PTBP3: variants seen among roughly 807,000 people sequenced by gnomAD.
The protein encoded by PTBP3 is polypyrimidine tract-binding protein 3.
In PTBP3, 20 loss-of-function variants were observed where a neutral mutation model predicts 58.7. The observed-to-expected ratio is 0.34, with a 90% CI of 0.24 to 0.50. PTBP3 has a LOEUF of 0.50. Among genes scored for constraint, PTBP3 ranks in the 20% least tolerant of loss-of-function variants. The pLI is 0.98. For synonymous variants in PTBP3, 185 were observed against 219.8 expected (o/e 0.84, Z 1.40); for missense variants, 509 against 637.2 (o/e 0.80, Z 2.17).
intron 2 of PTBP3, among the ~76,000 whole-genome samples, chr9:112,281,951 G>A (rs1471035894): frequency 6.6e-6 from 1 of 152,128 alleles, no homozygotes; most frequent in Non-Finnish European, 1.5e-5. Context: ...TTCTGGTGAG[G>A]GGTCTTCCTG....
At chr9:112,311,838 C>T (rs1829492823) in intron 1 of PTBP3, among the ~76,000 whole-genome samples, 1 of 152,108 alleles carries the variant, frequency 6.6e-6, no homozygotes, top group South Asian at 2.1e-4. Context: ...GTCCCAGCTA[C>T]ATGGGAGGCT....
In PTBP3 at chr9:112,222,068, T is replaced by TACAGGCGC. The variant is rs1027935862; in HGVS notation, c.*1775_*1782dup. 1 of 976,398 alleles carries TACAGGCGC rather than the reference T, an allele frequency of 1.0e-6. No individual in the cohort carries two copies. The highest frequency in any genetic ancestry group is 1.8e-5 in the African/African-American group (1 of 57,016). The allele number at this position is 976,398 out of a possible 1,614,324, so 60.5% of individuals were successfully genotyped here. A position where few individuals can be genotyped will look rare whatever the true frequency, so the allele number is the denominator to read the frequency against. ...TACAGGCTCAGCCTGTAGCTGGGAC[T>TACAGGCGC]ACAGGCGCACAGGCGCACACCACCA... On this transcript the variant is annotated 3_prime_UTR_variant, in exon 14 of 14. Transcript: ENST00000374257.
At chr9:112,267,517 C>T (rs929995621) in intron 4 of PTBP3, among the ~76,000 whole-genome samples, 1 of 152,168 alleles carries the variant, frequency 6.6e-6, no homozygotes, top group African/African-American at 2.4e-5. Flanking sequence ...AATTATTATA[C>T]TATTTTTAAC....
intron 1 of PTBP3, among the ~76,000 whole-genome samples, chr9:112,329,992 C>T (rs1378161698): frequency 1.3e-5 from 2 of 151,834 alleles, no homozygotes; most frequent in East Asian, 1.9e-4. Flanking sequence ...ACTACAGGCA[C>T]GCACCACCAT....
Position 112,290,707 on chromosome 9 carries a change from T to TACACACACAAACAC in PTBP3, c.34+7124_34+7125insGTGTTTGTGTGTGT, listed in dbSNP as rs55862558. Among the ~76,000 whole-genome samples the TACACACACAAACAC allele has an allele frequency of 6.6e-4, 73 of 110,922 alleles. 1 individual carries two copies. Among genetic ancestry groups the TACACACACAAACAC allele is most frequent in the South Asian group, 4.5e-3 (15 of 3,306 alleles). 72.8% of individuals were successfully genotyped at this position (110,922 alleles called of 152,430 possible). The stretch of plus-strand genomic sequence containing the variant: ...AAAAAAATATATATATATATATATA[T>TACACACACAAACAC]ACACACACACACACACACACACACA... On this transcript the variant is annotated intron_variant, in intron 2 of 13. Transcript: ENST00000374257.
intron 1 of PTBP3, among the ~76,000 whole-genome samples, chr9:112,310,663 T>G (rs2132384949): frequency 6.6e-6 from 1 of 152,260 alleles, no homozygotes; most frequent in South Asian, 2.1e-4. Flanking sequence ...GTAAGTAAAT[T>G]ATGTATTATG....
the PTBP3 span, among the ~76,000 whole-genome samples, chr9:112,375,381 G>A: frequency 6.6e-6 from 1 of 152,230 alleles, no homozygotes; most frequent in Non-Finnish European, 1.5e-5. Flanking sequence ...CAGGTGCACT[G>A]CTGGAAGTTC....
chr9:112,290,653 C>T lies in PTBP3; in HGVS notation c.34+7179G>A, dbSNP rs145642150. The stretch of plus-strand genomic sequence containing the variant: ...CGCCACTGCATTCCAGCCTGGGTGA[C>T]AAAGTCAGACTCTGTCTTTAAAAAA... On this transcript the variant is annotated intron_variant, in intron 2 of 13. Coordinates refer to ENST00000374257, the MANE Select transcript of PTBP3 (RefSeq NM_001163788.4). 3.9e-3 allele frequency among the ~76,000 whole-genome samples: 515 copies of T among 132,784 alleles called. 7 individuals are homozygous for T. The highest frequency in any genetic ancestry group is 0.014 in the African/African-American group (492 of 34,148). The allele number at this position is 132,784 out of a possible 152,430, so 87.1% of individuals were successfully genotyped here. A position where few individuals can be genotyped will look rare whatever the true frequency, so the allele number is the denominator to read the frequency against.
chr9:112,378,686 C>T, the PTBP3 span, among the ~76,000 whole-genome samples: 1 of 152,348 alleles, frequency 6.6e-6, no homozygotes, highest in Non-Finnish European at 1.5e-5. Flanking sequence ...AAAGAACACA[C>T]TGGCTACTCA....
At chr9:112,232,387 C>T in intron 8 of PTBP3, 149 bp from the exon 9 acceptor site, 3 of 760,516 alleles carry the variant, frequency 3.9e-6, no homozygotes, top group Non-Finnish European at 6.2e-6. Context: ...AGTTTTCTGC[C>T]CTACAGAGTC....
Position 112,252,716 on chromosome 9 carries a change from G to A in PTBP3, c.589C>T (p.Gln197Ter). The A allele has an allele frequency of 6.2e-7, 1 of 1,612,084 alleles. No individual in the cohort carries two copies. The highest frequency in any genetic ancestry group is 8.5e-7 in the Non-Finnish European group (1 of 1,178,702). Residue 197 changes from glutamine (Q) to a stop codon, truncating the protein, a stop_gained, in exon 6 of 14, where the codon CAG becomes TAG. Transcript: ENST00000374257. LOFTEE classifies it high-confidence loss of function. ...TGTGCATTTACTGGGTCAGCATACT[G>A]AAGCAAGGCTTGAAACTGATTATTC... ...TKNNQFQALLQYADPVNAHYA... is the reference protein window; with the variant it reads ...TKNNQFQALL
intron 1 of PTBP3, among the ~76,000 whole-genome samples, chr9:112,312,312 G>GT (rs1445219171): frequency 6.6e-6 from 1 of 151,864 alleles, no homozygotes; most frequent in African/African-American, 2.4e-5. Context: ...GTGAGACCCT[G>GT]TATCTACAAA....
At chr9:112,303,861 C>CTCCA (rs137967903) in intron 1 of PTBP3, among the ~76,000 whole-genome samples, 1 of 147,908 alleles carries the variant, frequency 6.8e-6, no homozygotes, top group African/African-American at 2.5e-5. Context: ...GAGACTCCGT[C>CTCCA]TCAATCAATC....
intron 2 of PTBP3, among the ~76,000 whole-genome samples, chr9:112,290,687 A>AAAAT (rs1554799394): frequency 4.7e-5 from 4 of 84,984 alleles, no homozygotes; most frequent in East Asian, 5.5e-4. Context: ...AAAAAAAAAA[A>AAAAT]ATATATATAT....
At chr9:112,235,641 A>T (rs1413284598) in intron 7 of PTBP3, among the ~76,000 whole-genome samples, 1 of 152,238 alleles carries the variant, frequency 6.6e-6, no homozygotes, top group South Asian at 2.1e-4. Context: ...AGAAATGGCC[A>T]AAAGTGGAAA....
At chr9:112,290,705 T>TACACACACAA (rs1418787518) in intron 2 of PTBP3, among the ~76,000 whole-genome samples, 15 of 72,988 alleles carry the variant, frequency 2.1e-4, no homozygotes, top group Admixed American at 9.4e-4. Flanking sequence ...TATATATATA[T>TACACACACAA]ATACACACAC....
At chr9:112,378,168 G>A in the PTBP3 span, among the ~76,000 whole-genome samples, 1 of 152,082 alleles carries the variant, frequency 6.6e-6, no homozygotes, top group African/African-American at 2.4e-5. Flanking sequence ...AAGGTAATGG[G>A]GTAGAAGGTC....
the PTBP3 span, among the ~76,000 whole-genome samples, chr9:112,350,822 G>C: frequency 6.6e-6 from 1 of 151,692 alleles, no homozygotes; most frequent in Non-Finnish European, 1.5e-5. Context: ...TTCCTAAGAC[G>C]AAGTCTCACT....
intron 7 of PTBP3, among the ~76,000 whole-genome samples, chr9:112,246,528 C>G (rs1835883804): frequency 6.6e-6 from 1 of 151,494 alleles, no homozygotes; most frequent in Non-Finnish European, 1.5e-5. Context: ...GTCCATCCTA[C>G]TAAAAATACA....
Sources: allele counts gnomAD v4.1 joint callset (sites outside exome capture counted in the v4.1 genomes callset), GRCh38; gene constraint gnomAD v4.1.1; transcripts MANE v1.5; gene names NCBI Gene and HGNC (gene_info 2026-07-23, HGNC 2026-07-21).